Variants in TTC28 observed in about 807,000 individuals in gnomAD.
The protein encoded by TTC28 is tetratricopeptide repeat protein 28.
A neutral mutation model predicts 198.0 loss-of-function variants in TTC28; 61 were observed. That is an observed-to-expected ratio of 0.31 (90% CI 0.25 to 0.38). The LOEUF (loss-of-function observed/expected upper bound fraction) is 0.38, where lower values mean the gene tolerates loss of function less well. Ranked by LOEUF, TTC28 falls within the 10% of genes least tolerant of loss-of-function variation. TTC28 has a pLI of 1.00. For missense variants in TTC28, 2,678 were observed against 3,164.0 expected (o/e 0.85, Z 3.69); for synonymous variants, 1,171 against 1,297.8 (o/e 0.90, Z 2.10).
chr22:28,232,903 C>G (rs1329879767), intron 5 of TTC28: 1 of 152,032 alleles, frequency 6.6e-6, no homozygotes. Context: ...GAGTTCAAGA[C>G]CAGCCTGGCC....
At position 27,983,211 on chromosome 22, in the gene TTC28, T is replaced by C; in HGVS notation, c.6456A>G (p.Glu2152=). 5.8e-6 allele frequency: 9 copies of C among 1,551,846 alleles called. No homozygotes were observed. The Admixed American group carries it at 5.9e-5, about 10-fold the overall frequency. The change falls in exon 23 of 23, where the codon GAA becomes GAG. Residue 2152 remains glutamate, a synonymous_variant. Coordinates refer to ENST00000397906, the MANE Select transcript of TTC28 (RefSeq NM_001145418.2). ...ETDSTVKSQE[E]SNPKLDPQEL... ...CTTGTGGATCCAGTTTTGGGTTGCT[T>C]TCTTCTTGGGATTTCACGGTACTGT...
At chr22:28,164,138 G>A (rs1921591035) in intron 5 of TTC28, among the ~76,000 whole-genome samples, 1 of 152,192 alleles carries the variant, frequency 6.6e-6, no homozygotes, top group African/African-American at 2.4e-5. Flanking sequence ...GGTAAACAAA[G>A]TGGCCAGGAA....
At chr22:28,403,592 C>T (rs2046952714) in intron 2 of TTC28, among the ~76,000 whole-genome samples, 2 of 152,206 alleles carry the variant, frequency 1.3e-5, no homozygotes, top group Non-Finnish European at 2.9e-5. Flanking sequence ...TTTCCTTCAG[C>T]TCCCTTACCC....
chr22:28,210,805 T>C (rs1388621678), intron 5 of TTC28, among the ~76,000 whole-genome samples: 1 of 152,046 alleles, frequency 6.6e-6, no homozygotes, highest in Non-Finnish European at 1.5e-5. Flanking sequence ...AAGATACGCC[T>C]TGACAAGAGC....
At chr22:28,287,762 C>T (rs956053681) in intron 5 of TTC28, among the ~76,000 whole-genome samples, 3 of 152,070 alleles carry the variant, frequency 2.0e-5, no homozygotes, top group Admixed American at 1.3e-4. Context: ...TTTAAGCAGG[C>T]TTTTTCTGAT....
chr22:28,405,406 C>G (rs1440437135), intron 2 of TTC28, among the ~76,000 whole-genome samples: 1 of 152,080 alleles, frequency 6.6e-6, no homozygotes, highest in Non-Finnish European at 1.5e-5. Context: ...GGTCACAGAG[C>G]CTTCCTTCAA....
intron 2 of TTC28, among the ~76,000 whole-genome samples, chr22:28,309,091 T>C (rs913395701): frequency 1.3e-5 from 2 of 152,190 alleles, no homozygotes; most frequent in Non-Finnish European, 2.9e-5. Context: ...TGTAAGTTAT[T>C]GAAATAGAAT....
At chr22:28,043,216 C>G (rs540497021) in intron 12 of TTC28, among the ~76,000 whole-genome samples, 1 of 130,392 alleles carries the variant, frequency 7.7e-6, no homozygotes, top group Non-Finnish European at 1.6e-5. Context: ...GCACTCCAGC[C>G]TGCATAACAG....
At chr22:28,162,310 A>C (rs1374485683) in intron 6 of TTC28, among the ~76,000 whole-genome samples, 2 of 152,232 alleles carry the variant, frequency 1.3e-5, no homozygotes, top group African/African-American at 4.8e-5. Context: ...ATTTACATTA[A>C]AACTATTAAT....
chr22:28,454,893 C>T (rs576968954), intron 2 of TTC28, among the ~76,000 whole-genome samples: 2 of 152,322 alleles, frequency 1.3e-5, no homozygotes, highest in South Asian at 4.1e-4. Context: ...ATAGTCAAAA[C>T]ATACATATGC....
chr22:28,254,275 C>A (rs748043733), intron 5 of TTC28, among the ~76,000 whole-genome samples: 1 of 151,908 alleles, frequency 6.6e-6, no homozygotes, highest in Non-Finnish European at 1.5e-5. Flanking sequence ...TAATTATAAT[C>A]ATGAAAATAT....
chr22:27,982,955 T>C lies in TTC28; in HGVS notation c.6712A>G (p.Arg2238Gly). ...CTCACCTTGGGCAGGGAGGAGCTCC[T>C]GGCTGGGGGCTTTGGTTTAACAGTG... ...PVTVKPKPPA[R>G]SSSLPKVSSG... Residue 2238 changes from arginine to glycine, a missense_variant, in exon 23 of 23, where the codon AGG becomes GGG. Transcript: ENST00000397906. This position sits in a 1 kb window ranked among gnomAD's most constrained non-coding sequence, Gnocchi z 5.2. 1 of 1,551,700 alleles carries C rather than the reference T, an allele frequency of 6.4e-7. No individual in the cohort carries two copies. Among genetic ancestry groups the C allele is most frequent in the Non-Finnish European group, 8.7e-7 (1 of 1,146,990 alleles).
At chr22:28,086,838 G>A (rs1207995647) in intron 12 of TTC28, among the ~76,000 whole-genome samples, 15 of 151,890 alleles carry the variant, frequency 9.9e-5, no homozygotes, top group African/African-American at 1.9e-4. Flanking sequence ...TATCACCACC[G>A]ATCCCACAGA....
Position 28,326,975 on chromosome 22 carries a change from A to AACACACAC in TTC28, c.382-20340_382-20333dup, listed in dbSNP as rs57349023. On this transcript the variant is annotated intron_variant, in intron 2 of 22. Transcript: ENST00000397906. ...TCAATGAAAAGCATACACAAACACAAACACACACACACACACACACACACA... is the reference window on the plus strand; with the variant it reads ...TCAATGAAAAGCATACACAAACACAAACACACACACACACACACACACACACACACACA... Among the ~76,000 whole-genome samples, 136 of 142,918 alleles carry AACACACAC rather than the reference A, an allele frequency of 9.5e-4. 1 individual carries two copies. Among genetic ancestry groups the AACACACAC allele is most frequent in the African/African-American group, 3.3e-3 (122 of 37,378 alleles). 93.8% of individuals were successfully genotyped at this position (142,918 alleles called of 152,430 possible).
At position 28,482,207 on chromosome 22, in the gene TTC28, C is replaced by CTTTTTT. The variant is rs36011379; in HGVS notation, c.381+147339_381+147344dup. 1.2e-3 allele frequency among the ~76,000 whole-genome samples: 80 copies of CTTTTTT among 66,942 alleles called. 13 individuals carry two copies. The highest frequency in any genetic ancestry group is 2.3e-3 in the East Asian group (4 of 1,774). The allele number at this position is 66,942 out of a possible 152,430, so 43.9% of individuals were successfully genotyped here. ...GCTAGTAGAGATAGTAATGGGCAGTCTTTTTTTTTTTTTTTTTTTTTTTTT... is the reference window on the plus strand; with the variant it reads ...GCTAGTAGAGATAGTAATGGGCAGTCTTTTTTTTTTTTTTTTTTTTTTTTTTTTTTT... On this transcript the variant is annotated intron_variant, in intron 2 of 22. Transcript: ENST00000397906.
At chr22:28,419,216 T>C (rs1468281967) in intron 2 of TTC28, among the ~76,000 whole-genome samples, 2 of 152,196 alleles carry the variant, frequency 1.3e-5, no homozygotes, top group Non-Finnish European at 2.9e-5. Flanking sequence ...ATTTCCTCCA[T>C]ATCTACTTGT....
At chr22:28,084,751 T>C (rs1331147513) in intron 12 of TTC28, among the ~76,000 whole-genome samples, 1 of 151,982 alleles carries the variant, frequency 6.6e-6, no homozygotes, top group Admixed American at 6.6e-5. Context: ...GCAAAGAAGT[T>C]AAAAACTTTG....
rs767313517 is a variant in TTC28, at chr22:27,992,548, G to A, written c.5553+39C>T. ...TGCTCTGCCTTTCCAAATCAGCATGGGCCTCAGGCCCTGGCTCAGCCCTCC... is the reference window on the plus strand; with the variant it reads ...TGCTCTGCCTTTCCAAATCAGCATGAGCCTCAGGCCCTGGCTCAGCCCTCC... On this transcript the variant is annotated intron_variant, in intron 19 of 22. Transcript: ENST00000397906. The A allele has an allele frequency of 7.8e-5, 121 of 1,545,088 alleles. No homozygotes were observed. In the South Asian group the frequency reaches 1.3e-3, roughly 16 times the overall value.
chr22:28,605,445 T>C (rs527743629), intron 2 of TTC28, among the ~76,000 whole-genome samples: 208 of 152,316 alleles, frequency 1.4e-3, no homozygotes, highest in Middle Eastern at 6.8e-3. Context: ...AGTTTTTTCT[T>C]GAATAACAAA....
Sources: gnomAD v4.1 joint callset for allele counts (sites outside exome capture counted in the v4.1 genomes callset) on GRCh38, gnomAD v4.1.1 for gene constraint, Gnocchi (gnomAD v3.1) non-coding constraint, MANE v1.5 for transcripts, NCBI Gene and HGNC (gene_info 2026-07-23, HGNC 2026-07-21) for gene names.